Variants in MICAL2 observed in about 807,000 individuals in gnomAD.
MICAL2 encodes microtubule associated monooxygenase, calponin and LIM domain containing 2, also known as [F-actin]-monooxygenase MICAL2.
Under a neutral mutation model 127.3 loss-of-function variants are expected in MICAL2, and 77 were observed. That is an observed-to-expected ratio of 0.60 (90% CI 0.50 to 0.73). The LOEUF is 0.73. Among genes scored for constraint, MICAL2 ranks in the 30% least tolerant of loss-of-function variants. The pLI is 0.00. For missense variants in MICAL2, 1,351 were observed against 1,434.4 expected (o/e 0.94, Z 0.94); for synonymous variants, 570 against 551.1 (o/e 1.03, Z -0.48).
In MICAL2 at chr11:12,244,264, T is replaced by C. The variant is rs73418194; in HGVS notation, c.2784+152T>C. On this transcript the variant is annotated intron_variant, in intron 21 of 27. Transcript: ENST00000683283. The stretch of plus-strand genomic sequence containing the variant: ...CACCAGTGCTGGATTCAATTTTGTT[T>C]TTGTGTTAGAGCACACAACACGGCA... The C allele has an allele frequency of 1.8e-3, 2,029 of 1,123,478 alleles. 25 individuals carry two copies. The highest frequency in any genetic ancestry group is 0.014 in the African/African-American group (936 of 65,162). 69.6% of individuals were successfully genotyped at this position (1,123,478 alleles called of 1,614,324 possible).
At chr11:12,339,625 G>A (rs1048588360) in intron 32 of MICAL2, among the ~76,000 whole-genome samples, 1 of 152,058 alleles carries the variant, frequency 6.6e-6, no homozygotes, top group Non-Finnish European at 1.5e-5. Context: ...ATGGGTTTTT[G>A]GTGTGGATGT....
intron 3 of MICAL2, among the ~76,000 whole-genome samples, chr11:12,180,349 A>ATATATATATATTTTT (rs11403732): frequency 7.2e-6 from 1 of 139,710 alleles, no homozygotes; most frequent in African/African-American, 2.7e-5. Flanking sequence ...ATATGTATAT[A>ATATATATATATTTTT]TTTTTTTTTT....
At chr11:12,172,633 T>G (rs904195892) in intron 3 of MICAL2, among the ~76,000 whole-genome samples, 1 of 151,944 alleles carries the variant, frequency 6.6e-6, no homozygotes, top group African/African-American at 2.4e-5. Context: ...CATGAAAGAT[T>G]AGGCTCAAAG....
chr11:12,269,270 A>G (rs958281712), intron 24 of MICAL2, among the ~76,000 whole-genome samples: 1 of 152,086 alleles, frequency 6.6e-6, no homozygotes, highest in Non-Finnish European at 1.5e-5. Context: ...CTTCCGAGAA[A>G]CTTAGAGTTC....
At chr11:12,328,166 C>T (rs1864375610) in intron 32 of MICAL2, among the ~76,000 whole-genome samples, 1 of 152,154 alleles carries the variant, frequency 6.6e-6, no homozygotes, top group South Asian at 2.1e-4. Context: ...TGGTGAAGAC[C>T]TACTATGCAT....
chr11:12,179,051 G>T (rs1857147041), intron 3 of MICAL2, among the ~76,000 whole-genome samples: 2 of 151,954 alleles, frequency 1.3e-5, no homozygotes, highest in African/African-American at 4.8e-5. Context: ...TCCAGTACTG[G>T]CCCCTGCAGA....
chr11:12,158,783 A>G (rs1352899071), intron 2 of MICAL2, among the ~76,000 whole-genome samples: 1 of 152,184 alleles, frequency 6.6e-6, no homozygotes, highest in Non-Finnish European at 1.5e-5. Flanking sequence ...TATTATCCCT[A>G]TTTCACGCAT....
chr11:12,188,462 C>T (rs1478700917), intron 3 of MICAL2, among the ~76,000 whole-genome samples: 2 of 152,048 alleles, frequency 1.3e-5, no homozygotes, highest in African/African-American at 2.4e-5. Context: ...GTGGTTGGCA[C>T]GAGCACCTAG....
chr11:12,298,670 G>A (rs891753159), intron 29 of MICAL2, among the ~76,000 whole-genome samples: 3 of 152,120 alleles, frequency 2.0e-5, no homozygotes, highest in African/African-American at 7.2e-5. Context: ...TAGCCATCTA[G>A]TTCTATTTCG....
chr11:12,200,852 A>G (rs1478149995), intron 3 of MICAL2, among the ~76,000 whole-genome samples: 7 of 152,354 alleles, frequency 4.6e-5, no homozygotes, highest in Middle Eastern at 3.4e-3. Context: ...TCCAGGGAGC[A>G]GTACTGGGTC....
intron 21 of MICAL2, among the ~76,000 whole-genome samples, chr11:12,245,629 C>T (rs905611449): frequency 2.0e-5 from 3 of 152,212 alleles, no homozygotes; most frequent in Non-Finnish European, 4.4e-5. Context: ...ATATCAAGAT[C>T]CCCAGCCACC....
At chr11:12,129,964 T>G (rs1255397851) in intron 1 of MICAL2, among the ~76,000 whole-genome samples, 1 of 152,190 alleles carries the variant, frequency 6.6e-6, no homozygotes, top group African/African-American at 2.4e-5. Flanking sequence ...CCTTCCATCT[T>G]GGCCTCCCAA....
chr11:12,237,857 G>A (rs757600162), intron 16 of MICAL2, among the ~76,000 whole-genome samples: 12 of 152,172 alleles, frequency 7.9e-5, no homozygotes, highest in Non-Finnish European at 1.3e-4. Flanking sequence ...CTGGTGATTC[G>A]TGGACCCGTT....
At chr11:12,349,564 G>A (rs953065603) in intron 32 of MICAL2, among the ~76,000 whole-genome samples, 3 of 152,194 alleles carry the variant, frequency 2.0e-5, no homozygotes, top group Non-Finnish European at 4.4e-5. Flanking sequence ...AGGGTCGTTT[G>A]TGGTGGGATG....
At chr11:12,115,148 G>T (rs1006348302) in intron 1 of MICAL2, among the ~76,000 whole-genome samples, 1 of 152,210 alleles carries the variant, frequency 6.6e-6, no homozygotes, top group African/African-American at 2.4e-5. Flanking sequence ...CACAACTGGG[G>T]CAGGTCGTGA....
chr11:12,152,605 G>C (rs1388254682), intron 2 of MICAL2, among the ~76,000 whole-genome samples: 1 of 152,112 alleles, frequency 6.6e-6, no homozygotes, highest in African/African-American at 2.4e-5. Flanking sequence ...GCAGAGTGGT[G>C]GGGGAGGAGT....
At chr11:12,173,148 T>C (rs547221294) in intron 3 of MICAL2, among the ~76,000 whole-genome samples, 1 of 152,340 alleles carries the variant, frequency 6.6e-6, no homozygotes, top group South Asian at 2.1e-4. Flanking sequence ...TCAGAGCCTT[T>C]GGCTCTATGT....
intron 29 of MICAL2, among the ~76,000 whole-genome samples, chr11:12,299,889 T>G (rs535881514): frequency 6.6e-6 from 1 of 152,234 alleles, no homozygotes; most frequent in Non-Finnish European, 1.5e-5. Context: ...CTCTTGCAGT[T>G]TTTATTTTAT....
At chr11:12,305,927 G>T (rs61875392) in intron 29 of MICAL2, among the ~76,000 whole-genome samples, 26,993 of 145,478 alleles carry the variant, frequency 0.19, 2,690 homozygotes, top group East Asian at 0.44. Context: ...GATAGCTTTA[G>T]AATATTGAGT....
Sources: gnomAD v4.1 joint callset for allele counts (sites outside exome capture counted in the v4.1 genomes callset) on GRCh38, gnomAD v4.1.1 for gene constraint, MANE v1.5 for transcripts, NCBI Gene and HGNC (gene_info 2026-07-23, HGNC 2026-07-21) for gene names.